Variants in SLC26A8 observed in about 807,000 individuals in gnomAD.
SLC26A8 encodes the protein testis anion transporter 1.
Under a neutral mutation model 105.0 loss-of-function variants are expected in SLC26A8, and 70 were observed. The ratio of observed to expected loss-of-function variants is 0.67; its 90% CI spans 0.55 to 0.81. The LOEUF (loss-of-function observed/expected upper bound fraction) is 0.81, where lower values mean the gene tolerates loss of function less well. Ranked by LOEUF, SLC26A8 falls within the 40% of genes least tolerant of loss-of-function variation. SLC26A8 has a pLI of 0.00. For synonymous variants in SLC26A8, 415 were observed against 438.3 expected (o/e 0.95, Z 0.66); for missense variants, 998 against 1,181.8 (o/e 0.84, Z 2.28).
intron 8 of SLC26A8, among the ~76,000 whole-genome samples, chr6:35,980,161 TG>T (rs1391000001): frequency 2.0e-5 from 3 of 152,100 alleles, no homozygotes; most frequent in Non-Finnish European, 4.4e-5. Context: ...TTAGTAGAGA[TG>T]GGGTTTCACC....
rs958731304 is a variant in SLC26A8 at position 36,010,877 on chromosome 6, GA to G, written c.328+1355del. On this transcript the variant is annotated intron_variant, in intron 3 of 19. Transcript: ENST00000490799. ...TCAATCTGAGTATACACCAAAAGGGGAAAAAAAGCGCCAATTTTACTATTTG... is the reference window on the plus strand; with the variant it reads ...TCAATCTGAGTATACACCAAAAGGGGAAAAAAGCGCCAATTTTACTATTTG... Among the ~76,000 whole-genome samples the G allele has an allele frequency of 7.2e-5, 11 of 151,860 alleles. No homozygotes were observed. In the South Asian group the frequency reaches 1.0e-3, roughly 14 times the overall value.
chr6:36,024,596 G>A lies in SLC26A8; in HGVS notation c.-95C>T, dbSNP rs1432069649. ...GCTGCGGACGCGGATACCGGCGGCG[G>A]TTCCCGAGCCGTTGTGGCCTAGCCC... is the stretch of plus-strand genomic sequence containing the variant. On this transcript the variant is annotated 5_prime_UTR_variant, in exon 1 of 20. Coordinates refer to ENST00000490799, the MANE Select transcript of SLC26A8 (RefSeq NM_052961.4). 5 of 372,078 alleles carry A rather than the reference G, an allele frequency of 1.3e-5. No homozygotes were observed. Among genetic ancestry groups the A allele is most frequent in the Non-Finnish European group, 2.6e-5 (5 of 190,114 alleles). The allele number at this position is 372,078 out of a possible 1,614,324, so 23.0% of individuals were successfully genotyped here.
chr6:36,006,440 CAA>C (rs1554167881), intron 3 of SLC26A8, among the ~76,000 whole-genome samples: 14 of 152,078 alleles, frequency 9.2e-5, no homozygotes, highest in Non-Finnish European at 7.4e-5. Context: ...TTTTATTCAA[CAA>C]ACATCTTTTG....
At chr6:35,993,094 G>A (rs1761224087) in intron 5 of SLC26A8, among the ~76,000 whole-genome samples, 1 of 149,456 alleles carries the variant, frequency 6.7e-6, no homozygotes, top group Admixed American at 6.8e-5. Context: ...AAACTCCTGG[G>A]CACAAGGGAT....
chr6:36,000,606 T>TA (rs1761494073), intron 3 of SLC26A8, among the ~76,000 whole-genome samples: 1 of 152,182 alleles, frequency 6.6e-6, no homozygotes, highest in Non-Finnish European at 1.5e-5. Flanking sequence ...CTCTAATACT[T>TA]ACTTTCTTTT....
At chr6:35,980,230 C>A (rs559725860) in intron 8 of SLC26A8, among the ~76,000 whole-genome samples, 142 of 152,316 alleles carry the variant, frequency 9.3e-4, no homozygotes, top group African/African-American at 3.2e-3. Context: ...GCCTCAGCTT[C>A]CCAAACTGCT....
Position 35,943,896 on chromosome 6 carries a change from T to A in SLC26A8, c.*4A>T. Reference sequence around the variant, plus strand: ...TATCTGACCCCTTATTTCTAGTTCATCTCCTAGACATCTTCATTGCTGTTG... The same window carrying A: ...TATCTGACCCCTTATTTCTAGTTCAACTCCTAGACATCTTCATTGCTGTTG... On this transcript the variant is annotated 3_prime_UTR_variant, in exon 20 of 20. Coordinates refer to ENST00000490799, the MANE Select transcript of SLC26A8 (RefSeq NM_052961.4). 1 of 1,610,946 alleles carries A rather than the reference T, an allele frequency of 6.2e-7. No individual in the cohort carries two copies. The highest frequency in any genetic ancestry group is 1.1e-5 in the South Asian group (1 of 90,994).
chr6:35,991,842 G>C, intron 6 of SLC26A8, 34 bp from the exon 7 acceptor site: 1 of 1,531,174 alleles, frequency 6.5e-7, no homozygotes. Flanking sequence ...GGCTTAGAAA[G>C]GGATGTAGTA....
At chr6:35,997,964 G>T (rs762247837) in intron 4 of SLC26A8, 45 bp from the exon 5 acceptor site, 1 of 1,567,344 alleles carries the variant, frequency 6.4e-7, no homozygotes, top group Non-Finnish European at 8.7e-7. Context: ...TCAAGTCCAG[G>T]TAAACTGATA....
intron 11 of SLC26A8, among the ~76,000 whole-genome samples, chr6:35,967,932 C>T (rs190223261): frequency 8.7e-4 from 132 of 152,308 alleles, no homozygotes; most frequent in African/African-American, 3.0e-3. Context: ...CAGCTCACTT[C>T]AGCCTCCCAG....
At chr6:35,956,031 A>T (rs890754728) in intron 16 of SLC26A8, among the ~76,000 whole-genome samples, 2 of 152,176 alleles carry the variant, frequency 1.3e-5, no homozygotes, top group African/African-American at 4.8e-5. Context: ...CCTTGAGCTC[A>T]GCAGTTTGAA....
intron 11 of SLC26A8, among the ~76,000 whole-genome samples, chr6:35,965,466 G>A (rs1772471121): frequency 6.6e-6 from 1 of 151,928 alleles, no homozygotes; most frequent in South Asian, 2.1e-4. Context: ...AATCACCTGA[G>A]GTTGGGGGTT....
intron 9 of SLC26A8, among the ~76,000 whole-genome samples, chr6:35,976,872 C>A (rs1321178373): frequency 6.6e-6 from 1 of 152,068 alleles, no homozygotes; most frequent in African/African-American, 2.4e-5. Context: ...AGACGTTCTG[C>A]AGCATTTCTT....
chr6:35,992,420 G>C (rs1028765744), intron 6 of SLC26A8, 90 bp downstream of exon 6: 1 of 1,336,294 alleles, frequency 7.5e-7, no homozygotes, highest in African/African-American at 1.5e-5. Flanking sequence ...CCTTTCAGAA[G>C]GGGCGGGAGT....
intron 16 of SLC26A8, among the ~76,000 whole-genome samples, 190 bp downstream of exon 16, chr6:35,959,270 A>C (rs1168420453): frequency 6.6e-6 from 1 of 151,836 alleles, no homozygotes; most frequent in African/African-American, 2.4e-5. Flanking sequence ...TCAAGGGGGA[A>C]TCTTGTGCCT....
chr6:35,976,396 C>A (rs1217861721), intron 9 of SLC26A8, among the ~76,000 whole-genome samples: 1 of 148,890 alleles, frequency 6.7e-6, no homozygotes, highest in Non-Finnish European at 1.5e-5. Flanking sequence ...TGCACTCCAG[C>A]ATGGGTAACA....
chr6:35,967,265 T>C (rs1772554923), intron 11 of SLC26A8, among the ~76,000 whole-genome samples: 1 of 152,106 alleles, frequency 6.6e-6, no homozygotes, highest in Non-Finnish European at 1.5e-5. Context: ...AAAGGAAGCA[T>C]TCAGAAGGAG....
At position 35,943,935 on chromosome 6, in the gene SLC26A8, A is replaced by G; in HGVS notation, c.2878T>C (p.Tyr960His). The stretch of plus-strand genomic sequence containing the variant: ...TCATTGCTGTTGCCCTCTGGTGAGT[A>G]TGAATCCATAGGATGGCGTCTCCTC... ...VERRRHPMDS[Y>H]SPEGNSNEDV The change falls in exon 20 of 20, where the codon TAC (tyrosine) becomes CAC (histidine). Residue 960 changes from tyrosine (Y) to histidine (H), a missense_variant. By Grantham distance (83) the Tyr-to-His change is moderately conservative. Transcript: ENST00000490799. 2 of 1,614,164 alleles carry G rather than the reference A, an allele frequency of 1.2e-6. No homozygotes were observed. Among genetic ancestry groups the G allele is most frequent in the Middle Eastern group, 3.3e-4 (2 of 6,062 alleles).
In SLC26A8 at chr6:36,019,547, G is replaced by T; in HGVS notation, c.161C>A (p.Thr54Asn). The T allele has an allele frequency of 6.2e-7, 1 of 1,613,870 alleles. No homozygotes were observed. Among genetic ancestry groups the T allele is most frequent in the Non-Finnish European group, 8.5e-7 (1 of 1,179,996 alleles). The change falls in exon 2 of 20, where the codon ACC (threonine) becomes AAC (asparagine). Residue 54 changes from threonine to asparagine, a missense_variant. Physicochemically the swap from Thr to Asn is moderately conservative, Grantham distance 65. Coordinates refer to ENST00000490799, the MANE Select transcript of SLC26A8 (RefSeq NM_052961.4). ...SSSGNMNINI[T>N]TFRHHVQCRC... Reference sequence around the variant, plus strand: ...GCACTGGACGTGGTGTCTGAAGGTGGTGATGTTGATGTTCATGTTCCCAGA... The same window carrying T: ...GCACTGGACGTGGTGTCTGAAGGTGTTGATGTTGATGTTCATGTTCCCAGA...
Sources: gnomAD v4.1 joint callset for allele counts (sites outside exome capture counted in the v4.1 genomes callset) on GRCh38, gnomAD v4.1.1 for gene constraint, MANE v1.5 for transcripts, NCBI Gene and HGNC (gene_info 2026-07-23, HGNC 2026-07-21) for gene names.